KATNIP: variants seen among roughly 807,000 people sequenced by gnomAD.
The protein encoded by KATNIP is katanin interacting protein.
KATNIP carries 126 observed loss-of-function variants against 174.0 expected under a neutral mutation model. That is an observed-to-expected ratio of 0.72 (90% CI 0.63 to 0.84). The LOEUF is 0.84. KATNIP is among the 40% of genes least tolerant of loss of function. The pLI, the probability that KATNIP is intolerant of heterozygous loss-of-function variation, is 0.00. For missense variants in KATNIP, 1,958 were observed against 2,109.7 expected, an observed-to-expected ratio of 0.93 and a Z score of 1.41; for synonymous variants, 810 against 835.7, an observed-to-expected ratio of 0.97 and a Z score of 0.53.
rs754634244 is a variant in KATNIP, at chr16:27,681,458, C to G, written c.868C>G (p.Pro290Ala). 6.2e-7 allele frequency: 1 copy of G among 1,614,136 alleles called. No individual in the cohort carries two copies. Among genetic ancestry groups the G allele is most frequent in the South Asian group, 1.1e-5 (1 of 91,082 alleles). Residue 290 changes from proline to alanine, a missense_variant, in exon 8 of 28, where the codon CCC becomes GCC. By Grantham distance (27) the Pro-to-Ala change is conservative. Transcript: ENST00000261588. ...GAAGGACAATGCTGAGGTTTTCGTTCCCACCAAACCTGAGCCAAACCTGAC... is the reference window on the plus strand; with the variant it reads ...GAAGGACAATGCTGAGGTTTTCGTTGCCACCAAACCTGAGCCAAACCTGAC... Reference protein sequence around the residue: ...KRKDNAEVFVPTKPEPNLTPQ... With the variant: ...KRKDNAEVFVATKPEPNLTPQ...
chr16:27,693,914 G>GA (rs1021836873), intron 8 of KATNIP, among the ~76,000 whole-genome samples: 4 of 151,826 alleles, frequency 2.6e-5, no homozygotes, highest in Non-Finnish European at 5.9e-5. Flanking sequence ...TTTCTTGGGG[G>GA]AAAAAAAAGC....
Position 27,749,625 on chromosome 16 carries a change from C to T in KATNIP, c.2665C>T (p.Arg889Cys), listed in dbSNP as rs767622231. ...CAGGACGCCGTCACGGTCAAGGTGG[C>T]GCAGTGAGCAGGAGCACACACTTCA... ...SSRTPSRSRWRSEQEHTLHES... is the reference protein window; with the variant it reads ...SSRTPSRSRWCSEQEHTLHES... The change falls in exon 16 of 28, where the codon CGC (arginine) becomes TGC (cysteine). Residue 889 changes from arginine (R) to cysteine (C), a missense_variant. Arg to Cys is a radical substitution (Grantham distance 180). Coordinates refer to ENST00000261588, the MANE Select transcript of KATNIP (RefSeq NM_015202.5). The T allele has an allele frequency of 8.3e-6, 13 of 1,557,066 alleles. No homozygotes were observed. The highest frequency in any genetic ancestry group is 5.5e-5 in the African/African-American group (4 of 72,988).
intron 14 of KATNIP, among the ~76,000 whole-genome samples, chr16:27,735,788 T>C (rs2080875073): frequency 6.6e-6 from 1 of 152,118 alleles, no homozygotes; most frequent in Non-Finnish European, 1.5e-5. Context: ...TCAGGAAGGC[T>C]AAGAAGGGGT....
chr16:27,599,808 G>A (rs895609918), intron 2 of KATNIP, among the ~76,000 whole-genome samples: 5 of 152,280 alleles, frequency 3.3e-5, no homozygotes, highest in Admixed American at 2.0e-4. Context: ...CCGTGGGCAC[G>A]CGGTGTTTGT....
intron 6 of KATNIP, among the ~76,000 whole-genome samples, chr16:27,661,152 A>T (rs1235923993): frequency 6.6e-6 from 1 of 152,192 alleles, no homozygotes; most frequent in Non-Finnish European, 1.5e-5. Context: ...TTGGGGTAGA[A>T]GAGTCAGTTT....
At chr16:27,577,916 G>A (rs369950640) in intron 2 of KATNIP, among the ~76,000 whole-genome samples, 23 of 152,168 alleles carry the variant, frequency 1.5e-4, no homozygotes, top group African/African-American at 3.6e-4. Context: ...GTTCCCAGGT[G>A]ATTATAACGT....
At chr16:27,705,672 TTTAA>T (rs955993660) in intron 12 of KATNIP, among the ~76,000 whole-genome samples, 8 of 152,080 alleles carry the variant, frequency 5.3e-5, no homozygotes, top group African/African-American at 1.7e-4. Context: ...TTTTTATTGT[TTTAA>T]TTAATTAATT....
chr16:27,621,615 G>A (rs1159213449), intron 3 of KATNIP, among the ~76,000 whole-genome samples: 1 of 151,942 alleles, frequency 6.6e-6, no homozygotes, highest in South Asian at 2.1e-4. Context: ...GCTGAGACTG[G>A]GTAATTTATA....
intron 15 of KATNIP, among the ~76,000 whole-genome samples, chr16:27,748,356 C>T (rs115599815): frequency 0.01 from 1,584 of 152,306 alleles, 28 homozygotes; most frequent in African/African-American, 0.037. Context: ...CCAGCTGAGG[C>T]AGGCGAATCG....
At chr16:27,639,926 G>A (rs1042888715) in intron 5 of KATNIP, among the ~76,000 whole-genome samples, 4 of 152,200 alleles carry the variant, frequency 2.6e-5, no homozygotes, top group African/African-American at 9.7e-5. Flanking sequence ...ACCTACCTTT[G>A]TCAGTGTTTT....
At chr16:27,558,329 A>T (rs934826660) in intron 1 of KATNIP, among the ~76,000 whole-genome samples, 1 of 152,044 alleles carries the variant, frequency 6.6e-6, no homozygotes, top group Non-Finnish European at 1.5e-5. Context: ...TATTTTTAGT[A>T]GGGATGGGGT....
At chr16:27,591,516 A>G (rs2075165690) in intron 2 of KATNIP, among the ~76,000 whole-genome samples, 1 of 152,028 alleles carries the variant, frequency 6.6e-6, no homozygotes, top group Admixed American at 6.6e-5. Flanking sequence ...GGGTTCAAAT[A>G]CCATATCTGC....
intron 2 of KATNIP, among the ~76,000 whole-genome samples, chr16:27,605,395 A>G (rs1030049326): frequency 1.3e-5 from 2 of 152,192 alleles, no homozygotes; most frequent in Non-Finnish European, 2.9e-5. Flanking sequence ...TGTAAGAAAA[A>G]CATTTTTATA....
chr16:27,713,709 T>TA (rs761001831), intron 13 of KATNIP, among the ~76,000 whole-genome samples: 39 of 23,474 alleles, frequency 1.7e-3, no homozygotes, highest in South Asian at 3.1e-3. Flanking sequence ...CACATACATA[T>TA]TATATATATG....
chr16:27,728,062 T>C (rs913040210), intron 14 of KATNIP, among the ~76,000 whole-genome samples: 3 of 150,238 alleles, frequency 2.0e-5, no homozygotes, highest in Non-Finnish European at 4.5e-5. Flanking sequence ...GACTTGGAAG[T>C]CAAAGATGCA....
At chr16:27,625,337 G>A (rs1317219578) in intron 3 of KATNIP, among the ~76,000 whole-genome samples, 1 of 152,198 alleles carries the variant, frequency 6.6e-6, no homozygotes, top group Non-Finnish European at 1.5e-5. Flanking sequence ...GACTGTTAAC[G>A]TGGCATCAGA....
chr16:27,677,638 A>G, intron 6 of KATNIP, 91 bp from the exon 7 acceptor site: 1 of 1,285,566 alleles, frequency 7.8e-7, no homozygotes, highest in Non-Finnish European at 1.1e-6. Flanking sequence ...GTTTGGGGAG[A>G]ATAATTCTTT....
intron 3 of KATNIP, among the ~76,000 whole-genome samples, chr16:27,623,409 TTCATCATCATTATCA>T (rs1396575459): frequency 1.3e-5 from 2 of 152,140 alleles, no homozygotes; most frequent in African/African-American, 4.8e-5. Flanking sequence ...CAACCCAGTA[TTCATCATCATTATCA>T]TCATCATCAT....
At chr16:27,735,535 A>C (rs2080866424) in intron 14 of KATNIP, among the ~76,000 whole-genome samples, 1 of 152,212 alleles carries the variant, frequency 6.6e-6, no homozygotes, top group Non-Finnish European at 1.5e-5. Context: ...CGGTGAATTC[A>C]CAGCACGCAC....
Sources: gnomAD v4.1 joint callset for allele counts (sites outside exome capture counted in the v4.1 genomes callset) on GRCh38, gnomAD v4.1.1 for gene constraint, MANE v1.5 for transcripts, NCBI Gene and HGNC (gene_info 2026-07-23, HGNC 2026-07-21) for gene names.